Variants in HDAC4 observed in about 807,000 individuals in gnomAD.
HDAC4 encodes the protein histone deacetylase A.
In HDAC4, 16 loss-of-function variants were observed where a neutral mutation model predicts 135.1. That is an observed-to-expected ratio of 0.12 (90% CI 0.08 to 0.18). HDAC4 has a LOEUF of 0.18. HDAC4 is among the 10% of genes least tolerant of loss of function. The pLI is 1.00. For missense variants in HDAC4, 1,143 were observed against 1,511.8 expected (o/e 0.76, Z 4.05); for synonymous variants, 685 against 653.4 (o/e 1.05, Z -0.74).
intron 23 of HDAC4, among the ~76,000 whole-genome samples, chr2:239,067,258 T>C (rs1375984836): frequency 6.6e-6 from 1 of 152,134 alleles, no homozygotes; most frequent in Non-Finnish European, 1.5e-5. Flanking sequence ...ACAGGCTGCA[T>C]GTGCTCCTGA....
intron 2 of HDAC4, among the ~76,000 whole-genome samples, chr2:239,335,281 A>G (rs1691854635): frequency 6.6e-6 from 1 of 152,084 alleles, no homozygotes; most frequent in South Asian, 2.1e-4. Flanking sequence ...AGCAGAGAAG[A>G]AAGGATGACT....
chr2:239,107,548 C>A (rs1485333506), intron 15 of HDAC4, among the ~76,000 whole-genome samples: 1 of 152,214 alleles, frequency 6.6e-6, no homozygotes, highest in Non-Finnish European at 1.5e-5. Context: ...TGAGGAGGGC[C>A]CCAAGGGCCT....
In HDAC4 at chr2:239,303,224, G is replaced by A. The variant is rs2052374691; in HGVS notation, c.22+49454C>T. On this transcript the variant is annotated intron_variant, in intron 2 of 26. Coordinates refer to ENST00000543185, the MANE Select transcript of HDAC4 (RefSeq NM_001378414.1). The surrounding 1 kb of genome is among the most constrained non-coding windows in gnomAD (Gnocchi z 5.1). ...GCTGCTCAGGCCTGGGGACAGGAGGGCACAGGGACAGGCCTGGAGGACAAG... is the reference window on the plus strand; with the variant it reads ...GCTGCTCAGGCCTGGGGACAGGAGGACACAGGGACAGGCCTGGAGGACAAG... Among the ~76,000 whole-genome samples the A allele has an allele frequency of 6.6e-6, 1 of 152,254 alleles. No homozygotes were observed. The highest frequency in any genetic ancestry group is 2.4e-5 in the African/African-American group (1 of 41,462).
chr2:239,075,888 G>C (rs1258428276), intron 22 of HDAC4, among the ~76,000 whole-genome samples: 1 of 149,860 alleles, frequency 6.7e-6, no homozygotes, highest in Non-Finnish European at 1.5e-5. Context: ...GGGATAGCAG[G>C]TGGGTGCTGG....
chr2:239,365,581 G>T (rs931942493), intron 1 of HDAC4, among the ~76,000 whole-genome samples: 2 of 146,622 alleles, frequency 1.4e-5, no homozygotes, highest in African/African-American at 2.6e-5. Flanking sequence ...GGCACCAGGG[G>T]ACACACACAC....
intron 3 of HDAC4, among the ~76,000 whole-genome samples, chr2:239,222,855 G>A (rs1559247203): frequency 6.6e-6 from 1 of 152,196 alleles, no homozygotes; most frequent in Non-Finnish European, 1.5e-5. Flanking sequence ...GGGTATCACA[G>A]ACGGGAGATG....
chr2:239,387,294 G>A (rs1255744580), intron 1 of HDAC4, among the ~76,000 whole-genome samples: 1 of 152,210 alleles, frequency 6.6e-6, no homozygotes, highest in Non-Finnish European at 1.5e-5. Context: ...GCAGGGGCTG[G>A]AGAGTGGCCA....
chr2:239,320,747 T>C (rs2125761187), intron 2 of HDAC4, among the ~76,000 whole-genome samples: 1 of 152,342 alleles, frequency 6.6e-6, no homozygotes, highest in African/African-American at 2.4e-5. Flanking sequence ...ACTGAACACA[T>C]GTGCTACCGT....
At chr2:239,294,327 G>A (rs1399129259) in intron 2 of HDAC4, among the ~76,000 whole-genome samples, 1 of 152,184 alleles carries the variant, frequency 6.6e-6, no homozygotes, top group African/African-American at 2.4e-5. Context: ...GCTCCTGATG[G>A]GCCTTGGCAG....
rs972306526 is a variant in HDAC4, at chr2:239,285,305, C to T, written c.23-48641G>A. Reference sequence around the variant, plus strand: ...AGATCCCTGCTGGGAGTGGAGAACGCGCCGCGGCTGGGCCCCCAAGTTCGC... The same window carrying T: ...AGATCCCTGCTGGGAGTGGAGAACGTGCCGCGGCTGGGCCCCCAAGTTCGC... On this transcript the variant is annotated intron_variant, in intron 2 of 26. Coordinates refer to ENST00000543185, the MANE Select transcript of HDAC4 (RefSeq NM_001378414.1). The surrounding 1 kb of genome is among the most constrained non-coding windows in gnomAD (Gnocchi z 4.5). Among the ~76,000 whole-genome samples the T allele has an allele frequency of 4.6e-5, 7 of 152,160 alleles. No homozygotes were observed. Among genetic ancestry groups the T allele is most frequent in the Non-Finnish European group, 4.4e-5 (3 of 68,028 alleles).
At chr2:239,373,299 C>T (rs990800135) in intron 1 of HDAC4, among the ~76,000 whole-genome samples, 4 of 152,176 alleles carry the variant, frequency 2.6e-5, no homozygotes, top group African/African-American at 9.7e-5. Context: ...GTAAAAAGCA[C>T]GATCTCTGCT....
intron 1 of HDAC4, among the ~76,000 whole-genome samples, chr2:239,368,260 G>A (rs1240491302): frequency 3.3e-5 from 5 of 152,298 alleles, no homozygotes; most frequent in Admixed American, 2.0e-4. Flanking sequence ...CGGAGACACA[G>A]GAGGGCCCTG....
intron 3 of HDAC4, among the ~76,000 whole-genome samples, chr2:239,217,395 CTGT>C (rs2046701946): frequency 6.6e-6 from 1 of 152,134 alleles, no homozygotes; most frequent in Non-Finnish European, 1.5e-5. Flanking sequence ...CTTAATGTAT[CTGT>C]TTTCTCATTT....
chr2:239,345,478 G>A (rs1036425625), intron 2 of HDAC4, among the ~76,000 whole-genome samples: 1 of 151,848 alleles, frequency 6.6e-6, no homozygotes, highest in Admixed American at 6.6e-5. Context: ...TGGGAGGATC[G>A]CTGAAGCCCA....
intron 7 of HDAC4, among the ~76,000 whole-genome samples, chr2:239,155,217 C>T (rs2042348232): frequency 6.6e-6 from 1 of 150,674 alleles, no homozygotes; most frequent in Admixed American, 6.6e-5. Flanking sequence ...GACACCACCG[C>T]CTCAATAAAC....
In HDAC4 at chr2:239,350,404, C is replaced by T. The variant is rs539102714; in HGVS notation, c.22+2274G>A. Reference sequence around the variant, plus strand: ...AGCAGACAGAAAAAAATAAGTAAAGCTATACTGATTTAAATAACTCAACTG... The same window carrying T: ...AGCAGACAGAAAAAAATAAGTAAAGTTATACTGATTTAAATAACTCAACTG... On this transcript the variant is annotated intron_variant, in intron 2 of 26. Coordinates refer to ENST00000543185, the MANE Select transcript of HDAC4 (RefSeq NM_001378414.1). Among the ~76,000 whole-genome samples the T allele has an allele frequency of 3.8e-4, 58 of 151,924 alleles. 2 individuals are homozygous for T. The South Asian group carries it at 0.012, about 31-fold the overall frequency.
At chr2:239,133,326 G>T (rs950393697) in intron 11 of HDAC4, among the ~76,000 whole-genome samples, 1 of 152,190 alleles carries the variant, frequency 6.6e-6, no homozygotes, top group African/African-American at 2.4e-5. Context: ...TTTTCACCAA[G>T]TTCACTGCCA....
intron 24 of HDAC4, among the ~76,000 whole-genome samples, chr2:239,056,254 G>A (rs899060780): frequency 2.6e-5 from 4 of 152,212 alleles, no homozygotes; most frequent in South Asian, 2.1e-4. Flanking sequence ...GAGTCAGCAC[G>A]AGCCTGGGTC....
intron 4 of HDAC4, among the ~76,000 whole-genome samples, chr2:239,180,218 C>T (rs2044057158): frequency 6.6e-6 from 1 of 152,150 alleles, no homozygotes; most frequent in Admixed American, 6.5e-5. Context: ...AGCTCAGCCC[C>T]CGGGCACCCA....
Sources: allele counts gnomAD v4.1 joint callset (sites outside exome capture counted in the v4.1 genomes callset), GRCh38; gene constraint gnomAD v4.1.1; non-coding constraint Gnocchi (gnomAD v3.1); transcripts MANE v1.5; gene names NCBI Gene and HGNC (gene_info 2026-07-23, HGNC 2026-07-21).